Variants in AMOT observed in about 807,000 individuals in gnomAD.
The protein encoded by AMOT is angiomotin.
Under a neutral mutation model 67.0 loss-of-function variants are expected in AMOT, and 11 were observed. That is an observed-to-expected ratio of 0.16 (90% CI 0.10 to 0.27). The LOEUF is 0.27. Ranked by LOEUF, AMOT falls within the 10% of genes least tolerant of loss-of-function variation. The pLI, the probability that AMOT is intolerant of heterozygous loss-of-function variation, is 1.00. For synonymous variants in AMOT, 326 were observed against 321.4 expected, an observed-to-expected ratio of 1.01 and a Z score of -0.15; for missense variants, 753 against 852.0, an observed-to-expected ratio of 0.88 and a Z score of 1.45.
chrX:112,836,731 T>C (rs1935138528), intron 1 of AMOT, among the ~76,000 whole-genome samples: 1 of 109,229 alleles, frequency 9.2e-6, no homozygotes, highest in South Asian at 4.0e-4. Context: ...GATCTTTTTT[T>C]CTTTAACATG....
intron 8 of AMOT, among the ~76,000 whole-genome samples, chrX:112,794,541 T>G (rs1933730452): frequency 8.9e-6 from 1 of 111,807 alleles, no homozygotes; most frequent in Non-Finnish European, 1.9e-5. Flanking sequence ...AACTCTTGCA[T>G]GTGACCAGTC....
rs1933026186 is a variant in AMOT, at chrX:112,779,196, C to T, written c.2958G>A (p.Pro986=). 2 of 772,808 alleles carry T rather than the reference C, an allele frequency of 2.6e-6. No individual in the cohort carries two copies. Among genetic ancestry groups the T allele is most frequent in the Non-Finnish European group, 4.0e-6 (2 of 495,078 alleles). The allele number at this position is 772,808 out of a possible 1,213,427, so 63.7% of individuals were successfully genotyped here. ...PAPVPAPALV[P]VPAPAAAQAS... is the part of the protein sequence containing the mutation. ...CCTGAGCCGCTGCTGGAGCTGGAAC[C>T]GGAACCAGAGCCGGAGCTGGAACTG... Residue 986 remains proline (P), a synonymous_variant, in exon 13 of 14, where the codon CCG becomes CCA. Coordinates refer to ENST00000371959, the MANE Select transcript of AMOT (RefSeq NM_001113490.2).
intron 2 of AMOT, among the ~76,000 whole-genome samples, chrX:112,826,473 T>G (rs2147826269): frequency 8.9e-6 from 1 of 112,500 alleles, no homozygotes; most frequent in South Asian, 3.7e-4. Context: ...CATATAATCA[T>G]GATCAAAAGC....
chrX:112,806,052 G>A (rs1934171253), intron 7 of AMOT, among the ~76,000 whole-genome samples: 1 of 110,161 alleles, frequency 9.1e-6, no homozygotes, highest in Non-Finnish European at 1.9e-5. Context: ...CGGATCACGA[G>A]GTCAAGAGAT....
intron 10 of AMOT, among the ~76,000 whole-genome samples, chrX:112,785,208 C>A (rs747143075): frequency 1.8e-5 from 2 of 112,383 alleles, no homozygotes; most frequent in African/African-American, 6.5e-5. Context: ...AAACCCCAAA[C>A]TGCATATTCC....
intron 1 of AMOT, among the ~76,000 whole-genome samples, chrX:112,835,733 G>A (rs60780294): frequency 0.021 from 2,309 of 110,824 alleles, 54 homozygotes; most frequent in African/African-American, 0.072. Context: ...ACAGGCATGC[G>A]CCACCATACC....
intron 2 of AMOT, among the ~76,000 whole-genome samples, chrX:112,829,214 C>T (rs147441456): frequency 2.0e-4 from 22 of 111,490 alleles, no homozygotes; most frequent in African/African-American, 7.2e-4. Context: ...GATGTGTGTC[C>T]CTGCCCAAAT....
chrX:112,815,963 T>C (rs1256469670), intron 4 of AMOT, 86 bp from the exon 5 acceptor site: 4 of 1,102,716 alleles, frequency 3.6e-6, no homozygotes, highest in Non-Finnish European at 4.8e-6. Flanking sequence ...ATGAGGAGGC[T>C]TCTGATGCCC....
intron 10 of AMOT, among the ~76,000 whole-genome samples, chrX:112,784,212 A>C (rs12164355): frequency 8.9e-5 from 10 of 112,012 alleles, no homozygotes; most frequent in East Asian, 5.6e-4. Context: ...ACCCAAGAAG[A>C]AGCAGCATTT....
At chrX:112,797,762 C>G (rs934690942) in intron 8 of AMOT, among the ~76,000 whole-genome samples, 1 of 107,399 alleles carries the variant, frequency 9.3e-6, no homozygotes, top group African/African-American at 3.4e-5. Context: ...GCCTGGGCGA[C>G]AGAGAGAGAC....
chrX:112,806,326 T>TTATACATATGTATATA (rs1934181220), intron 7 of AMOT, among the ~76,000 whole-genome samples: 1 of 100,623 alleles, frequency 9.9e-6, no homozygotes, highest in African/African-American at 3.7e-5. Flanking sequence ...CACACACGTT[T>TTATACATATGTATATA]TATACATATG....
chrX:112,792,054 C>T (rs935624371), intron 8 of AMOT, 73 bp from the exon 9 acceptor site: 153 of 1,118,115 alleles, frequency 1.4e-4, no homozygotes, highest in Non-Finnish European at 1.7e-4. Flanking sequence ...TATGTATCCC[C>T]TAAATCCAGC....
intron 8 of AMOT, among the ~76,000 whole-genome samples, chrX:112,792,263 T>C (rs1018780273): frequency 1.2e-4 from 13 of 112,442 alleles, no homozygotes; most frequent in African/African-American, 3.9e-4. Context: ...GTACCATCTA[T>C]GTTAGATGGC....
chrX:112,804,949 C>T lies in AMOT; in HGVS notation c.1774G>A (p.Glu592Lys). The T allele has an allele frequency of 9.1e-7, 1 of 1,094,732 alleles. No homozygotes were observed. The highest frequency in any genetic ancestry group is 1.2e-6 in the Non-Finnish European group (1 of 821,315). 90.2% of individuals were successfully genotyped at this position (1,094,732 alleles called of 1,213,427 possible). A position where few individuals can be genotyped will look rare whatever the true frequency, so the allele number is the denominator to read the frequency against. The change falls in exon 8 of 14, where the codon GAG (glutamate) becomes AAG (lysine). Residue 592 changes from glutamate (E) to lysine (K), a missense_variant and splice_region_variant. Physicochemically the swap from Glu to Lys is moderately conservative, Grantham distance 56. Around this residue, in one of 5 missense-constraint regions of AMOT, gnomAD observed 66 missense variants for 112.9 expected, o/e 0.58. Coordinates refer to ENST00000371959, the MANE Select transcript of AMOT (RefSeq NM_001113490.2). ...AQAKVVKLEE[E>K]LKKKQVYVDK... ...TATGCTACCTGAGGAAACCATACCT[C>T]TTCTTCCAGCTTTACCACCTTGGCC...
intron 8 of AMOT, among the ~76,000 whole-genome samples, chrX:112,798,736 T>C (rs1002394048): frequency 1.8e-5 from 2 of 112,506 alleles, no homozygotes; most frequent in Non-Finnish European, 3.8e-5. Context: ...ATCATTCCTA[T>C]TCAGAGATAA....
intron 8 of AMOT, among the ~76,000 whole-genome samples, chrX:112,792,475 G>A: frequency 8.9e-6 from 1 of 112,392 alleles, no homozygotes; most frequent in Non-Finnish European, 1.9e-5. Context: ...TTCTCCAAGT[G>A]GGAGAAAAAG....
At chrX:112,789,105 G>C (rs1262529449) in intron 10 of AMOT, among the ~76,000 whole-genome samples, 1 of 111,690 alleles carries the variant, frequency 9.0e-6, no homozygotes, top group Admixed American at 9.5e-5. Flanking sequence ...GCACACTCTC[G>C]TGACCTGTAT....
At chrX:112,810,860 A>C (rs969346955) in intron 6 of AMOT, among the ~76,000 whole-genome samples, 1 of 109,475 alleles carries the variant, frequency 9.1e-6, no homozygotes, top group Non-Finnish European at 1.9e-5. Flanking sequence ...AAAAGGAGTC[A>C]GTCAGTCCTG....
At chrX:112,826,019 T>C (rs993524267) in intron 2 of AMOT, among the ~76,000 whole-genome samples, 1 of 109,940 alleles carries the variant, frequency 9.1e-6, no homozygotes, top group Non-Finnish European at 1.9e-5. Context: ...AAAAAACTCA[T>C]AGACTTACAT....
Sources: allele counts gnomAD v4.1 joint callset (sites outside exome capture counted in the v4.1 genomes callset), GRCh38; gene constraint gnomAD v4.1.1; regional missense constraint gnomAD v4.1.1; transcripts MANE v1.5; gene names NCBI Gene and HGNC (gene_info 2026-07-23, HGNC 2026-07-21).